Variants in NHSL3 observed in about 807,000 individuals in gnomAD.
NHSL3 encodes the protein NHS-like protein 3.
the NHSL3 span, among the ~76,000 whole-genome samples, chr1:32,757,342 G>A: frequency 1.3e-5 from 2 of 151,858 alleles, no homozygotes; most frequent in Non-Finnish European, 2.9e-5. Flanking sequence ...GTGGGGGCAG[G>A]TGCAGGCAGG....
At chr1:32,764,156 C>T in the NHSL3 span, among the ~76,000 whole-genome samples, 1 of 151,630 alleles carries the variant, frequency 6.6e-6, no homozygotes, top group Non-Finnish European at 1.5e-5. Flanking sequence ...CCACCATGCC[C>T]AGCCTATTCT....
At chr1:32,742,013 G>GC in the NHSL3 span, 5 of 1,230,478 alleles carry the variant, frequency 4.1e-6, no homozygotes, top group Non-Finnish European at 5.1e-6. Flanking sequence ...AACCCGGGCG[G>GC]CCCCCCGCGC....
At chr1:32,768,887 G>A in the NHSL3 span, 10 of 1,284,668 alleles carry the variant, frequency 7.8e-6, no homozygotes, top group Admixed American at 6.8e-5. Flanking sequence ...CAATGAATTC[G>A]GGAAACACAG....
chr1:32,765,562 G>A, the NHSL3 span: 1 of 1,413,680 alleles, frequency 7.1e-7, no homozygotes, highest in Non-Finnish European at 9.4e-7. Flanking sequence ...TTAAGGGGTG[G>A]GGTCGGCAGA....
chr1:32,771,663 G>GC, the NHSL3 span: 3 of 1,611,438 alleles, frequency 1.9e-6, no homozygotes, highest in South Asian at 1.1e-5. Flanking sequence ...TGCAGATTCA[G>GC]CCCCCGGGTA....
chr1:32,756,657 C>CAA, the NHSL3 span, among the ~76,000 whole-genome samples: 75 of 49,904 alleles, frequency 1.5e-3, 1 homozygote, highest in African/African-American at 4.5e-3. Flanking sequence ...ACCCTGTCTC[C>CAA]AAAAAAAAAA....
the NHSL3 span, among the ~76,000 whole-genome samples, chr1:32,762,735 G>A: frequency 5.9e-5 from 9 of 151,838 alleles, no homozygotes; most frequent in Non-Finnish European, 1.0e-4. Context: ...GATTACAGGC[G>A]CCCGCCACCG....
chr1:32,754,851 C>T, the NHSL3 span, among the ~76,000 whole-genome samples: 1 of 152,136 alleles, frequency 6.6e-6, no homozygotes. Flanking sequence ...CCATCTGGCG[C>T]GATCGGGAGT....
the NHSL3 span, among the ~76,000 whole-genome samples, chr1:32,763,818 C>T: frequency 6.6e-6 from 1 of 152,156 alleles, no homozygotes; most frequent in Non-Finnish European, 1.5e-5. Flanking sequence ...AGGTGATCTG[C>T]CTGCCTTGGC....
At chr1:32,759,115 C>T in the NHSL3 span, among the ~76,000 whole-genome samples, 1 of 152,154 alleles carries the variant, frequency 6.6e-6, no homozygotes, top group Admixed American at 6.5e-5. Context: ...TCTGCCATTT[C>T]TAGCAGTGTG....
the NHSL3 span, chr1:32,774,132 T>C: frequency 3.3e-5 from 5 of 152,748 alleles, no homozygotes; most frequent in Non-Finnish European, 7.3e-5. Context: ...GGCTTCCCCA[T>C]TGGCCCCTGT....
chr1:32,751,536 G>A, the NHSL3 span, among the ~76,000 whole-genome samples: 1 of 152,174 alleles, frequency 6.6e-6, no homozygotes. Flanking sequence ...GGCAAGTTCT[G>A]GGATGGTGAA....
the NHSL3 span, among the ~76,000 whole-genome samples, chr1:32,759,475 GA>G: frequency 6.6e-6 from 1 of 152,236 alleles, no homozygotes; most frequent in Non-Finnish European, 1.5e-5. Context: ...AACTCATTAG[GA>G]CATTTATTAA....
the NHSL3 span, chr1:32,768,565 A>T: frequency 6.5e-7 from 1 of 1,546,328 alleles, no homozygotes; most frequent in South Asian, 1.2e-5. Context: ...ACTGCACTCC[A>T]GCCTGAGCTG....
the NHSL3 span, chr1:32,770,774 A>C: frequency 5.2e-5 from 82 of 1,581,230 alleles, no homozygotes; most frequent in Admixed American, 1.7e-5. This position sits in a 1 kb window ranked among gnomAD's most constrained non-coding sequence, Gnocchi z 8.3. Flanking sequence ...CAGCAGCCCC[A>C]GCTGCCTCGG....
chr1:32,765,886 C>G, the NHSL3 span: 27 of 1,460,338 alleles, frequency 1.8e-5, no homozygotes, highest in African/African-American at 2.6e-4. Flanking sequence ...TTTCCCAGAC[C>G]CTTATGTAGA....
the NHSL3 span, chr1:32,769,623 T>C: frequency 6.6e-6 from 9 of 1,373,142 alleles, no homozygotes; most frequent in Non-Finnish European, 7.2e-6. Context: ...CTGCAGAATG[T>C]GCCTGGAGTC....
At chr1:32,773,026 G>A in the NHSL3 span, 7 of 774,654 alleles carry the variant, frequency 9.0e-6, no homozygotes, top group East Asian at 2.6e-5. Flanking sequence ...CACGGCCTTC[G>A]ATACTTATGC....
chr1:32,754,478 G>A, the NHSL3 span, among the ~76,000 whole-genome samples: 6 of 152,226 alleles, frequency 3.9e-5, no homozygotes, highest in East Asian at 1.2e-3. Context: ...TACCATCGCA[G>A]TAGGACGCAC....
Sources: allele counts gnomAD v4.1 joint callset (sites outside exome capture counted in the v4.1 genomes callset), GRCh38; gene constraint gnomAD v4.1.1; non-coding constraint Gnocchi (gnomAD v3.1); transcripts MANE v1.5; gene names NCBI Gene and HGNC (gene_info 2026-07-23, HGNC 2026-07-21).